The following KCNB2 variants were observed in gnomAD, a reference collection of about 807,000 sequenced individuals.
The protein encoded by KCNB2 is delayed rectifier potassium channel protein.
Under a neutral mutation model 61.5 loss-of-function variants are expected in KCNB2, and 15 were observed. The observed-to-expected ratio is 0.24, with a 90% CI of 0.16 to 0.38. The LOEUF is 0.38. Ranked by LOEUF, KCNB2 falls within the 10% of genes least tolerant of loss-of-function variation. The pLI, the probability that KCNB2 is intolerant of heterozygous loss-of-function variation, is 1.00. For synonymous variants in KCNB2, 457 were observed against 446.0 expected (o/e 1.02, Z -0.31); for missense variants, 828 against 1,125.2 (o/e 0.74, Z 3.78).
At chr8:72,558,067 T>G (rs1216658258) in intron 1 of KCNB2, among the ~76,000 whole-genome samples, 1 of 152,214 alleles carries the variant, frequency 6.6e-6, no homozygotes, top group Non-Finnish European at 1.5e-5. Context: ...GTCCACAACA[T>G]GTGTTAAGCA....
At chr8:72,802,573 T>A (rs929377950) in intron 2 of KCNB2, among the ~76,000 whole-genome samples, 1 of 152,238 alleles carries the variant, frequency 6.6e-6, no homozygotes, top group African/African-American at 2.4e-5. Flanking sequence ...GGCAATGTGC[T>A]ATGTAACCAT....
chr8:72,641,251 C>G (rs974593670), intron 2 of KCNB2, among the ~76,000 whole-genome samples: 1 of 152,046 alleles, frequency 6.6e-6, no homozygotes, highest in Non-Finnish European at 1.5e-5. Flanking sequence ...CACTTGTTCT[C>G]TACTTGTAGA....
chr8:72,588,020 G>A (rs1807026592), intron 2 of KCNB2, among the ~76,000 whole-genome samples: 6 of 151,568 alleles, frequency 4.0e-5, no homozygotes, highest in African/African-American at 2.4e-5. Flanking sequence ...TGTTTTTGTG[G>A]AACACATTTA....
At chr8:72,725,862 A>G (rs1807641557) in intron 2 of KCNB2, among the ~76,000 whole-genome samples, 1 of 151,934 alleles carries the variant, frequency 6.6e-6, no homozygotes, top group Non-Finnish European at 1.5e-5. Flanking sequence ...GGATTTGGTT[A>G]TCCTAAATTA....
chr8:72,601,221 T>C (rs911710501), intron 2 of KCNB2, among the ~76,000 whole-genome samples: 1 of 152,202 alleles, frequency 6.6e-6, no homozygotes, highest in Non-Finnish European at 1.5e-5. Flanking sequence ...CTTTCACCAT[T>C]TGTGTTTATA....
At chr8:72,899,325 G>A (rs1001422086) in intron 2 of KCNB2, among the ~76,000 whole-genome samples, 2 of 151,924 alleles carry the variant, frequency 1.3e-5, no homozygotes, top group Non-Finnish European at 2.9e-5. Flanking sequence ...CCCCTTGAGG[G>A]GAATGATGGC....
At chr8:72,719,565 C>T (rs1807512221) in intron 2 of KCNB2, among the ~76,000 whole-genome samples, 1 of 152,016 alleles carries the variant, frequency 6.6e-6, no homozygotes, top group South Asian at 2.1e-4. Flanking sequence ...TTAAAAAAAA[C>T]TCTAGATTAC....
chr8:72,893,714 C>G (rs1172403657), intron 2 of KCNB2, among the ~76,000 whole-genome samples: 1 of 152,086 alleles, frequency 6.6e-6, no homozygotes, highest in African/African-American at 2.4e-5. Context: ...AAATGACTAG[C>G]CAGTTTCTTT....
At chr8:72,814,692 C>T (rs1809362946) in intron 2 of KCNB2, among the ~76,000 whole-genome samples, 1 of 152,144 alleles carries the variant, frequency 6.6e-6, no homozygotes, top group Admixed American at 6.6e-5. Flanking sequence ...AATTAATTTT[C>T]ATTTAGATTG....
At chr8:72,543,725 A>C (rs893594894) in intron 1 of KCNB2, among the ~76,000 whole-genome samples, 1 of 152,206 alleles carries the variant, frequency 6.6e-6, no homozygotes, top group Non-Finnish European at 1.5e-5. Flanking sequence ...GAGATGTGTA[A>C]AAGTTATGGA....
intron 2 of KCNB2, among the ~76,000 whole-genome samples, chr8:72,832,176 AG>A (rs1809709539): frequency 6.6e-6 from 1 of 152,250 alleles, no homozygotes; most frequent in Admixed American, 6.5e-5. Context: ...GTCAGGGAAA[AG>A]GTGTACATGT....
chr8:72,662,375 G>A lies in KCNB2; in HGVS notation c.579+94062G>A, dbSNP rs762751436. Among the ~76,000 whole-genome samples, 58 of 152,200 alleles carry A rather than the reference G, an allele frequency of 3.8e-4. 1 individual carries two copies. Among genetic ancestry groups the A allele is most frequent in the Non-Finnish European group, 1.2e-4 (8 of 68,040 alleles). On this transcript the variant is annotated intron_variant, in intron 2 of 2. Transcript: ENST00000523207. Reference sequence around the variant, plus strand: ...TAGGGCAACCAGCACAGGCCTCAGTGGGGCTGGGGAGGGAGGACAGTTTCT... The same window carrying A: ...TAGGGCAACCAGCACAGGCCTCAGTAGGGCTGGGGAGGGAGGACAGTTTCT...
intron 2 of KCNB2, among the ~76,000 whole-genome samples, chr8:72,870,649 C>G (rs1805601513): frequency 6.6e-6 from 1 of 152,116 alleles, no homozygotes; most frequent in South Asian, 2.1e-4. Context: ...TTGGCTTCCC[C>G]ATAAGTTGTA....
chr8:72,600,685 C>T (rs1050938207), intron 2 of KCNB2, among the ~76,000 whole-genome samples: 8 of 151,838 alleles, frequency 5.3e-5, no homozygotes, highest in Non-Finnish European at 8.8e-5. Context: ...ATGTCCTTTG[C>T]GGGAACATGG....
At chr8:72,572,844 G>A (rs1806733401) in intron 2 of KCNB2, among the ~76,000 whole-genome samples, 1 of 152,152 alleles carries the variant, frequency 6.6e-6, no homozygotes, top group Non-Finnish European at 1.5e-5. Context: ...AAAATGCATG[G>A]GACGGAGGGA....
chr8:72,930,221 C>G (rs917557798), intron 2 of KCNB2, among the ~76,000 whole-genome samples: 2 of 151,658 alleles, frequency 1.3e-5, no homozygotes, highest in Admixed American at 6.6e-5. Flanking sequence ...TGGGTTGGTT[C>G]CAGGTCTTTG....
chr8:72,869,839 A>G (rs1168135811), intron 2 of KCNB2, among the ~76,000 whole-genome samples: 1 of 152,200 alleles, frequency 6.6e-6, no homozygotes, highest in African/African-American at 2.4e-5. Flanking sequence ...CCCACTTCTG[A>G]GTTGATATCC....
chr8:72,843,131 CTT>C (rs1434747012), intron 2 of KCNB2, among the ~76,000 whole-genome samples: 3 of 151,968 alleles, frequency 2.0e-5, no homozygotes, highest in Non-Finnish European at 4.4e-5. Flanking sequence ...TTCCAGTACA[CTT>C]TGTCTTTGTT....
intron 2 of KCNB2, among the ~76,000 whole-genome samples, chr8:72,696,688 A>G (rs564568626): frequency 1.3e-5 from 2 of 152,284 alleles, no homozygotes; most frequent in African/African-American, 4.8e-5. Context: ...CTGATCTTGG[A>G]TTCTGCTGTA....
Sources: allele counts gnomAD v4.1 joint callset (sites outside exome capture counted in the v4.1 genomes callset), GRCh38; gene constraint gnomAD v4.1.1; transcripts MANE v1.5; gene names NCBI Gene and HGNC (gene_info 2026-07-23, HGNC 2026-07-21).